Variants in CYRIA observed in about 807,000 individuals in gnomAD.
CYRIA encodes the protein CYFIP-related Rac1 interactor A.
A neutral mutation model predicts 43.9 loss-of-function variants in CYRIA; 15 were observed. That is an observed-to-expected ratio of 0.34 (90% CI 0.23 to 0.53). CYRIA has a LOEUF of 0.53. Ranked by LOEUF, CYRIA falls within the 20% of genes least tolerant of loss-of-function variation. The pLI is 0.94. For missense variants in CYRIA, 236 were observed against 394.2 expected (o/e 0.60, Z 3.40); for synonymous variants, 117 against 136.0 (o/e 0.86, Z 0.97).
intron 3 of CYRIA, among the ~76,000 whole-genome samples, chr2:16,569,117 A>C (rs1449825693): frequency 1.3e-5 from 2 of 152,192 alleles, no homozygotes; most frequent in Non-Finnish European, 2.9e-5. Context: ...GGACCTTTCA[A>C]CAAATCAGCA....
chr2:16,654,556 TA>T (rs1670055077), intron 1 of CYRIA, among the ~76,000 whole-genome samples: 1 of 152,166 alleles, frequency 6.6e-6, no homozygotes, highest in Non-Finnish European at 1.5e-5. Context: ...TGGAAACGTG[TA>T]GAAGTTTTAG....
chr2:16,649,588 A>T (rs1669913457), intron 1 of CYRIA, among the ~76,000 whole-genome samples: 1 of 152,012 alleles, frequency 6.6e-6, no homozygotes, highest in Non-Finnish European at 1.5e-5. Flanking sequence ...AGTACAGTGG[A>T]TGGTTGTACA....
In CYRIA at chr2:16,570,970, C is replaced by A. The variant is rs184225167; in HGVS notation, c.71-5203G>T. Among the ~76,000 whole-genome samples the A allele has an allele frequency of 1.5e-3, 223 of 152,240 alleles. 1 individual carries two copies. Among genetic ancestry groups the A allele is most frequent in the Non-Finnish European group, 2.2e-3 (150 of 68,024 alleles). ...GTCTAACAATAAAGCTATTAAAAATCTCTGTGATTTACATGGGCAGTTTCA... is the reference window on the plus strand; with the variant it reads ...GTCTAACAATAAAGCTATTAAAAATATCTGTGATTTACATGGGCAGTTTCA... On this transcript the variant is annotated intron_variant, in intron 3 of 11. Transcript: ENST00000381323.
chr2:16,641,649 T>G (rs1262083925), intron 1 of CYRIA, among the ~76,000 whole-genome samples: 2 of 152,246 alleles, frequency 1.3e-5, no homozygotes, highest in Non-Finnish European at 2.9e-5. Flanking sequence ...CTTTGCATAC[T>G]CATTCCATCT....
intron 1 of CYRIA, among the ~76,000 whole-genome samples, chr2:16,641,144 C>G (rs1212441587): frequency 6.6e-6 from 1 of 152,200 alleles, no homozygotes; most frequent in Admixed American, 6.5e-5. Flanking sequence ...CACACACAGC[C>G]AGATGACTCT....
chr2:16,592,848 T>C (rs914352592), intron 2 of CYRIA, among the ~76,000 whole-genome samples: 3 of 152,228 alleles, frequency 2.0e-5, no homozygotes, highest in African/African-American at 4.8e-5. Context: ...TTAACCTGTT[T>C]GTATTTTCTG....
chr2:16,550,883 T>C lies in CYRIA; in HGVS notation c.*2053A>G, dbSNP rs1470070533. The C allele has an allele frequency of 1.3e-5, 2 of 152,146 alleles. No individual in the cohort carries two copies. Among genetic ancestry groups the C allele is most frequent in the African/African-American group, 4.8e-5 (2 of 41,438 alleles). The allele number at this position is 152,146 out of a possible 1,614,324, so 9.4% of individuals were successfully genotyped here. ...TATTTCTAGCCTAGACAATTGTTGC[T>C]CAAGTGTAACATGTGACTGCCAAAT... On this transcript the variant is annotated 3_prime_UTR_variant, in exon 12 of 12. Coordinates refer to ENST00000381323, the MANE Select transcript of CYRIA (RefSeq NM_030797.4).
At chr2:16,576,781 A>C (rs2103438477) in intron 3 of CYRIA, among the ~76,000 whole-genome samples, 2 of 152,348 alleles carry the variant, frequency 1.3e-5, no homozygotes, top group Middle Eastern at 6.8e-3. Flanking sequence ...CATTTAAAAT[A>C]AACAGATAAA....
intron 3 of CYRIA, among the ~76,000 whole-genome samples, chr2:16,574,742 TG>T (rs1353024361): frequency 1.3e-5 from 2 of 152,160 alleles, no homozygotes; most frequent in Admixed American, 6.5e-5. Flanking sequence ...AACTGAGGTT[TG>T]GGAATCTCCA....
intron 1 of CYRIA, among the ~76,000 whole-genome samples, chr2:16,643,323 A>T (rs947582842): frequency 2.6e-5 from 4 of 152,116 alleles, no homozygotes; most frequent in African/African-American, 9.7e-5. Flanking sequence ...GGCAGCTGAA[A>T]GGCTCCTGTA....
At chr2:16,649,295 C>T (rs1167523180) in intron 1 of CYRIA, among the ~76,000 whole-genome samples, 2 of 152,138 alleles carry the variant, frequency 1.3e-5, no homozygotes, top group African/African-American at 4.8e-5. Flanking sequence ...GATGGTCTCT[C>T]TCCCAGGGAC....
intron 1 of CYRIA, chr2:16,625,872 C>G (rs1669146745): frequency 6.6e-6 from 1 of 151,760 alleles, no homozygotes; most frequent in South Asian, 2.1e-4. Context: ...GAATTGAACC[C>G]ATTTTCAGTG....
intron 2 of CYRIA, among the ~76,000 whole-genome samples, chr2:16,611,297 G>A (rs1668595731): frequency 6.6e-6 from 1 of 152,100 alleles, no homozygotes; most frequent in South Asian, 2.1e-4. Flanking sequence ...CCCAGGAGGT[G>A]GAGGTTGCAG....
At chr2:16,593,902 A>T in intron 2 of CYRIA, among the ~76,000 whole-genome samples, 1 of 100,044 alleles carries the variant, frequency 1.0e-5, no homozygotes, top group South Asian at 3.8e-4. Context: ...CACAGTCCCC[A>T]GAGTGTGATA....
chr2:16,585,780 T>C (rs1050631766), intron 3 of CYRIA, among the ~76,000 whole-genome samples: 4 of 151,956 alleles, frequency 2.6e-5, no homozygotes, highest in Admixed American at 6.6e-5. Context: ...TAGTAGTGGG[T>C]GGGGGCGCAC....
chr2:16,605,536 T>C (rs530205418), intron 2 of CYRIA, among the ~76,000 whole-genome samples: 1 of 152,312 alleles, frequency 6.6e-6, no homozygotes, highest in African/African-American at 2.4e-5. Context: ...CCGTTCTGCC[T>C]AATTTCAAAT....
intron 1 of CYRIA, among the ~76,000 whole-genome samples, chr2:16,640,001 C>T (rs1669624873): frequency 6.6e-6 from 1 of 152,156 alleles, no homozygotes; most frequent in Non-Finnish European, 1.5e-5. Flanking sequence ...GAAGAGGCAG[C>T]ATATCATCCA....
At chr2:16,575,782 G>A (rs914808175) in intron 3 of CYRIA, among the ~76,000 whole-genome samples, 4 of 152,046 alleles carry the variant, frequency 2.6e-5, no homozygotes, top group Non-Finnish European at 5.9e-5. Context: ...CGTGAACCCA[G>A]GAGGCGGAGC....
Position 16,572,328 on chromosome 2 carries a change from GA to G in CYRIA, c.71-6562del, listed in dbSNP as rs1224011480. Among the ~76,000 whole-genome samples the G allele has an allele frequency of 2.2e-3, 308 of 140,640 alleles. 2 individuals carry two copies. Among genetic ancestry groups the G allele is most frequent in the African/African-American group, 7.5e-3 (295 of 39,142 alleles). 92.3% of individuals were successfully genotyped at this position (140,640 alleles called of 152,430 possible). On this transcript the variant is annotated intron_variant, in intron 3 of 11. Transcript: ENST00000381323. Reference sequence around the variant, plus strand: ...TTAAAAAGCAAAAGTGCCAAAAAATGAATTTTTTTTTTTTTGTCACGGAATC... The same window carrying G: ...TTAAAAAGCAAAAGTGCCAAAAAATGATTTTTTTTTTTTTGTCACGGAATC...
Sources: gnomAD v4.1 joint callset for allele counts (sites outside exome capture counted in the v4.1 genomes callset) on GRCh38, gnomAD v4.1.1 for gene constraint, MANE v1.5 for transcripts, NCBI Gene and HGNC (gene_info 2026-07-23, HGNC 2026-07-21) for gene names.